RAB11FIP4: variants seen among roughly 807,000 people sequenced by gnomAD.
The protein encoded by RAB11FIP4 is RAB11 family interacting protein 4.
Under a neutral mutation model 74.3 loss-of-function variants are expected in RAB11FIP4, and 23 were observed. The ratio of observed to expected loss-of-function variants is 0.31; its 90% confidence interval spans 0.22 to 0.44. The LOEUF is 0.44. Among genes scored for constraint, RAB11FIP4 ranks in the 20% least tolerant of loss-of-function variants. The pLI, the probability that RAB11FIP4 is intolerant of heterozygous loss-of-function variation, is 1.00. For missense variants in RAB11FIP4, 630 were observed against 863.9 expected (o/e 0.73, Z 3.39); for synonymous variants, 360 against 359.9 (o/e 1.00, Z 0.00).
At chr17:31,524,897 A>G (rs559337883) in intron 9 of RAB11FIP4, 193 bp from the exon 10 acceptor site, 13 of 682,650 alleles carry the variant, frequency 1.9e-5, no homozygotes, top group South Asian at 1.9e-4. Flanking sequence ...CTGCCCCTCC[A>G]TGGCATGTGT....
At chr17:31,530,061 C>T (rs1341032983) in intron 13 of RAB11FIP4, among the ~76,000 whole-genome samples, 1 of 152,182 alleles carries the variant, frequency 6.6e-6, no homozygotes, top group Non-Finnish European at 1.5e-5. Context: ...TGGCCAGGAG[C>T]CTTGGCTGCG....
chr17:31,433,892 T>C, intron 2 of RAB11FIP4, 142 bp from the exon 3 acceptor site: 1 of 742,520 alleles, frequency 1.3e-6, no homozygotes, highest in African/African-American at 1.7e-5. Context: ...CATCCCTGCC[T>C]TCCAGTGCTC....
intron 1 of RAB11FIP4, among the ~76,000 whole-genome samples, chr17:31,409,472 A>C (rs916251952): frequency 6.6e-6 from 1 of 152,158 alleles, no homozygotes; most frequent in Non-Finnish European, 1.5e-5. Flanking sequence ...CCTCAGCGGC[A>C]GTCCACCCAA....
At chr17:31,426,732 G>A (rs1402323326) in intron 1 of RAB11FIP4, among the ~76,000 whole-genome samples, 3 of 150,282 alleles carry the variant, frequency 2.0e-5, no homozygotes, top group Non-Finnish European at 4.4e-5. Context: ...CCAAGTAGCT[G>A]GGACTACAGG....
intron 1 of RAB11FIP4, among the ~76,000 whole-genome samples, chr17:31,407,206 C>T (rs2071051653): frequency 6.6e-6 from 1 of 151,854 alleles, no homozygotes; most frequent in Non-Finnish European, 1.5e-5. Context: ...CCACCACGTC[C>T]TGCTAATTTA....
At chr17:31,392,400 C>G (rs976395655) in intron 1 of RAB11FIP4, 4 of 160,152 alleles carry the variant, frequency 2.5e-5, no homozygotes, top group African/African-American at 9.6e-5. Context: ...GGTCTGTGTA[C>G]GTCCTGCTGG....
chr17:31,441,252 C>T (rs1212184928), intron 3 of RAB11FIP4, among the ~76,000 whole-genome samples: 1 of 152,068 alleles, frequency 6.6e-6, no homozygotes, highest in Non-Finnish European at 1.5e-5. Flanking sequence ...TCTCAAACTC[C>T]TGACCTCAGG....
chr17:31,485,508 G>A (rs1044360568), intron 3 of RAB11FIP4, among the ~76,000 whole-genome samples: 2 of 152,108 alleles, frequency 1.3e-5, no homozygotes. Context: ...TCTTGGTTCT[G>A]GACGATCCTG....
chr17:31,487,614 G>A (rs1214055135), intron 3 of RAB11FIP4, among the ~76,000 whole-genome samples: 2 of 152,206 alleles, frequency 1.3e-5, no homozygotes, highest in Admixed American at 6.5e-5. Flanking sequence ...GGACTCATTA[G>A]GGGGTGGAGG....
At chr17:31,496,778 C>T (rs1368872936) in intron 3 of RAB11FIP4, among the ~76,000 whole-genome samples, 1 of 152,216 alleles carries the variant, frequency 6.6e-6, no homozygotes, top group Non-Finnish European at 1.5e-5. Context: ...GTACCATCAG[C>T]GTTGCTAACT....
intron 1 of RAB11FIP4, among the ~76,000 whole-genome samples, chr17:31,403,101 C>G (rs964020752): frequency 6.9e-6 from 1 of 145,350 alleles, no homozygotes; most frequent in African/African-American, 2.6e-5. Flanking sequence ...GCCCCGCCCC[C>G]CCGCCCAGCC....
chr17:31,513,911 C>T (rs548825132), intron 3 of RAB11FIP4, among the ~76,000 whole-genome samples: 2 of 152,322 alleles, frequency 1.3e-5, no homozygotes, highest in East Asian at 3.9e-4. Flanking sequence ...CTCTGAGCCT[C>T]ATCTTCCCCA....
chr17:31,416,605 C>G (rs886917267), intron 1 of RAB11FIP4, among the ~76,000 whole-genome samples: 1 of 152,192 alleles, frequency 6.6e-6, no homozygotes, highest in African/African-American at 2.4e-5. Flanking sequence ...AGCTGGACTG[C>G]TGGGAGTGAG....
chr17:31,441,894 A>G (rs2071409846), intron 3 of RAB11FIP4, among the ~76,000 whole-genome samples: 1 of 152,238 alleles, frequency 6.6e-6, no homozygotes, highest in Non-Finnish European at 1.5e-5. Context: ...AATTCTATAT[A>G]ACAAGGTAGC....
At chr17:31,469,116 A>G (rs1255977785) in intron 3 of RAB11FIP4, among the ~76,000 whole-genome samples, 1 of 152,206 alleles carries the variant, frequency 6.6e-6, no homozygotes, top group Non-Finnish European at 1.5e-5. Flanking sequence ...ACATTTGCAG[A>G]TTGCCCAAGT....
chr17:31,485,636 C>CTTT (rs2071893187), intron 3 of RAB11FIP4, among the ~76,000 whole-genome samples: 2 of 152,166 alleles, frequency 1.3e-5, no homozygotes, highest in Non-Finnish European at 2.9e-5. Context: ...TTTTGGGACA[C>CTTT]TGCTGAGCTT....
At chr17:31,527,810 G>A (rs2072793320) in intron 10 of RAB11FIP4, 32 bp from the exon 11 acceptor site, 1 of 1,552,442 alleles carries the variant, frequency 6.4e-7, no homozygotes, top group Non-Finnish European at 8.8e-7. Flanking sequence ...TACATTCCAG[G>A]TTTCTGAGAT....
chr17:31,488,230 G>T, intron 3 of RAB11FIP4: 2 of 1,146,880 alleles, frequency 1.7e-6, no homozygotes, highest in South Asian at 8.5e-5. Context: ...CTCTGCCGGG[G>T]AGCGGCCCGC....
intron 3 of RAB11FIP4, among the ~76,000 whole-genome samples, chr17:31,440,359 G>T (rs1322954468): frequency 6.6e-6 from 1 of 152,124 alleles, no homozygotes. Context: ...CTGGACTCTG[G>T]TCTGTTATAT....
Sources: gnomAD v4.1 joint callset for allele counts (sites outside exome capture counted in the v4.1 genomes callset) on GRCh38, gnomAD v4.1.1 for gene constraint, MANE v1.5 for transcripts, NCBI Gene and HGNC (gene_info 2026-07-23, HGNC 2026-07-21) for gene names.